SLC7A8: variants seen among roughly 807,000 people sequenced by gnomAD.
SLC7A8 encodes the protein solute carrier family 7 member 8.
In SLC7A8, 30 loss-of-function variants were observed where a neutral mutation model predicts 51.2. The observed-to-expected ratio is 0.59, with a 90% confidence interval of 0.44 to 0.80. The LOEUF is 0.80. SLC7A8 is among the 30% of genes least tolerant of loss of function. The pLI is 0.00. For missense variants in SLC7A8, 612 were observed against 674.4 expected, an observed-to-expected ratio of 0.91 and a Z score of 1.03; for synonymous variants, 257 against 275.8, an observed-to-expected ratio of 0.93 and a Z score of 0.67.
chr14:23,171,838 C>T (rs774971959), intron 1 of SLC7A8, among the ~76,000 whole-genome samples: 13 of 152,158 alleles, frequency 8.5e-5, no homozygotes, highest in African/African-American at 1.2e-4. Context: ...ACTTTCCCAT[C>T]GGGACTGTAC....
chr14:23,155,142 C>T lies in SLC7A8; in HGVS notation c.508+10143G>A, dbSNP rs757761755. 5 of 1,533,892 alleles carry T rather than the reference C, an allele frequency of 3.3e-6. No individual in the cohort carries two copies. The South Asian group carries it at 6.0e-5, about 18-fold the overall frequency. On this transcript the variant is annotated intron_variant, in intron 3 of 10. Coordinates refer to ENST00000316902, the MANE Select transcript of SLC7A8 (RefSeq NM_012244.4). ...GATAGTAACATTTCCCCTTCTCCAG[C>T]CCTTTTCATCTCGAAGCACTTACAA...
At position 23,143,036 on chromosome 14, in the gene SLC7A8, G is replaced by C. The variant is rs368739027; in HGVS notation, c.634+43C>G. 6 of 1,608,798 alleles carry C rather than the reference G, an allele frequency of 3.7e-6. No individual in the cohort carries two copies. In the African/African-American group the frequency reaches 8.0e-5, roughly 21 times the overall value. On this transcript the variant is annotated intron_variant, in intron 4 of 10. Coordinates refer to ENST00000316902, the MANE Select transcript of SLC7A8 (RefSeq NM_012244.4). ...GGCTGAGAGGGTGTGTACATGCAAG[G>C]GGAGGAAAGCTGGGCAGTACCTGTT...
rs559455455 is a variant in SLC7A8, at chr14:23,127,127, G to A, written c.*50C>T. The A allele has an allele frequency of 1.2e-6, 2 of 1,607,418 alleles. No individual in the cohort carries two copies. The highest frequency in any genetic ancestry group is 2.2e-5 in the South Asian group (2 of 90,712). ...TGTGTTGGCAGGACCAAGGCAGGGA[G>A]GTAGGATAAAAGGGGGAGGAAGGAG... On this transcript the variant is annotated 3_prime_UTR_variant, in exon 11 of 11. Coordinates refer to ENST00000316902, the MANE Select transcript of SLC7A8 (RefSeq NM_012244.4).
intron 10 of SLC7A8, 87 bp downstream of exon 10, chr14:23,127,931 TG>T: frequency 8.5e-7 from 1 of 1,178,334 alleles, no homozygotes; most frequent in Non-Finnish European, 1.2e-6. Context: ...CTAGATCTCC[TG>T]GCCCTGGTGG....
intron 1 of SLC7A8, among the ~76,000 whole-genome samples, chr14:23,180,921 G>T (rs1877145173): frequency 6.6e-6 from 1 of 152,148 alleles, no homozygotes; most frequent in African/African-American, 2.4e-5. Context: ...CAGCTACTCG[G>T]GAGGCTGAGG....
At chr14:23,144,927 CTTTTTCTTTTTTT>C (rs2048777958) in intron 3 of SLC7A8, among the ~76,000 whole-genome samples, 2 of 148,650 alleles carry the variant, frequency 1.3e-5, no homozygotes, top group South Asian at 2.1e-4. Flanking sequence ...TTTCTTTTTT[CTTTTTCTTTTTTT>C]TTTTTTTTCT....
intron 1 of SLC7A8, among the ~76,000 whole-genome samples, chr14:23,172,025 T>C (rs138853559): frequency 2.0e-5 from 3 of 152,350 alleles, no homozygotes; most frequent in Admixed American, 6.5e-5. Context: ...TGTCCCTGCT[T>C]TGCTATGTGA....
At chr14:23,181,882 A>C (rs1311598030) in intron 1 of SLC7A8, among the ~76,000 whole-genome samples, 1 of 152,222 alleles carries the variant, frequency 6.6e-6, no homozygotes, top group East Asian at 1.9e-4. Context: ...TCTAGAGACG[A>C]AGCTGTATTT....
chr14:23,139,582 C>T (rs1349377979), intron 5 of SLC7A8, 35 bp from the exon 6 acceptor site: 2 of 1,594,250 alleles, frequency 1.3e-6, no homozygotes, highest in Non-Finnish European at 1.7e-6. Context: ...GAAGGGCTGG[C>T]ACCCGGGACA....
At chr14:23,177,719 G>A (rs1449613652) in intron 1 of SLC7A8, among the ~76,000 whole-genome samples, 13 of 152,164 alleles carry the variant, frequency 8.5e-5, no homozygotes, top group Admixed American at 1.3e-4. Flanking sequence ...GAATGAATGC[G>A]AGCATGGTCT....
rs1267689084 is a variant in SLC7A8, at chr14:23,183,484, T to C, written c.-570A>G. ...GAACCTGACGGTGTTGCTCTAGATC[T>C]GGTTTCCACCTGCTTTGGGTTTCTT... On this transcript the variant is annotated 5_prime_UTR_variant, in exon 1 of 11. Coordinates refer to ENST00000316902, the MANE Select transcript of SLC7A8 (RefSeq NM_012244.4). 2 of 152,264 alleles carry C rather than the reference T, an allele frequency of 1.3e-5. No homozygotes were observed. Among genetic ancestry groups the C allele is most frequent in the South Asian group, 2.1e-4 (1 of 4,818 alleles). 9.4% of individuals were successfully genotyped at this position (152,264 alleles called of 1,614,324 possible).
chr14:23,127,414 C>A (rs922364820), intron 10 of SLC7A8, 71 bp from the exon 11 acceptor site: 6 of 1,556,000 alleles, frequency 3.9e-6, no homozygotes, highest in Non-Finnish European at 5.3e-6. Flanking sequence ...GTGGCCCCGG[C>A]CCTTCCTGGC....
chr14:23,174,154 A>G (rs937787690), intron 1 of SLC7A8, among the ~76,000 whole-genome samples: 9 of 152,188 alleles, frequency 5.9e-5, no homozygotes, highest in African/African-American at 2.2e-4. Flanking sequence ...TTCTGCTTTC[A>G]ATATCAGGGT....
In SLC7A8 at chr14:23,138,044, G is replaced by C; in HGVS notation, c.913-20C>G. On this transcript the variant is annotated intron_variant, in intron 6 of 10. Transcript: ENST00000316902. The stretch of plus-strand genomic sequence containing the variant: ...AAAAGTCTGGGAGAGGAACCAAGGA[G>C]ATAAGCAAAGGAGAGGTCACCACTC... The C allele has an allele frequency of 6.2e-7, 1 of 1,613,418 alleles. No individual in the cohort carries two copies. The highest frequency in any genetic ancestry group is 8.5e-7 in the Non-Finnish European group (1 of 1,179,832).
intron 3 of SLC7A8, among the ~76,000 whole-genome samples, chr14:23,158,386 C>A (rs2048904816): frequency 2.0e-5 from 3 of 152,324 alleles, no homozygotes; most frequent in Admixed American, 2.0e-4. Flanking sequence ...AGCTCTGTCG[C>A]CCAGGCTGGA....
Position 23,127,223 on chromosome 14 carries a change from G to C in SLC7A8, c.1562C>G (p.Pro521Arg). The C allele has an allele frequency of 1.2e-6, 2 of 1,614,096 alleles. No homozygotes were observed. The highest frequency in any genetic ancestry group is 1.7e-6 in the Non-Finnish European group (2 of 1,179,986). ...CACGTCCTTGTCCTTCGTGGGAGTG[G>C]GTTGGTACATGGGCTGCTGCTGCTC... is the stretch of plus-strand genomic sequence containing the variant. ...MEEQQQPMYQ[P>R]TPTKDKDVAG... The change falls in exon 11 of 11, where the codon CCC becomes CGC. Residue 521 changes from proline to arginine, a missense_variant. By Grantham distance (103) the Pro-to-Arg change is moderately radical (BLOSUM62 -2). Transcript: ENST00000316902.
chr14:23,166,472 G>T lies in SLC7A8; in HGVS notation c.220C>A (p.Leu74Ile). 1 of 1,614,188 alleles carries T rather than the reference G, an allele frequency of 6.2e-7. No individual in the cohort carries two copies. The highest frequency in any genetic ancestry group is 8.5e-7 in the Non-Finnish European group (1 of 1,180,046). ...GTCACAATCCAGACGATGAGAGCAA[G>T]GCCCACAGAACCAGCATTCTCCAGC... ...GVLENAGSVG[L>I]ALIVWIVTGF... The change falls in exon 2 of 11, where the codon CTT (leucine) becomes ATT (isoleucine). Residue 74 changes from leucine to isoleucine, a missense_variant. Leu to Ile is a conservative substitution (Grantham distance 5). Coordinates refer to ENST00000316902, the MANE Select transcript of SLC7A8 (RefSeq NM_012244.4).
chr14:23,159,087 C>T (rs2140330850), intron 3 of SLC7A8, among the ~76,000 whole-genome samples: 1 of 152,304 alleles, frequency 6.6e-6, no homozygotes, highest in South Asian at 2.1e-4. Flanking sequence ...TTCCCCATCA[C>T]ATTGTATTGT....
At chr14:23,164,931 G>T (rs2048941281) in intron 3 of SLC7A8, among the ~76,000 whole-genome samples, 1 of 152,048 alleles carries the variant, frequency 6.6e-6, no homozygotes, top group African/African-American at 2.4e-5. Context: ...GATGGAGGTT[G>T]CAGTGAGTGG....
Sources: gnomAD v4.1 joint callset for allele counts (sites outside exome capture counted in the v4.1 genomes callset) on GRCh38, gnomAD v4.1.1 for gene constraint, MANE v1.5 for transcripts, NCBI Gene and HGNC (gene_info 2026-07-23, HGNC 2026-07-21) for gene names.